The following SPNS2 variants were observed in gnomAD, a reference collection of about 807,000 sequenced individuals.
The protein encoded by SPNS2 is SPNS lysolipid transporter 2, sphingosine-1-phosphate.
Under a neutral mutation model 57.6 loss-of-function variants are expected in SPNS2, and 37 were observed. That is an observed-to-expected ratio of 0.64 (90% CI 0.49 to 0.85). The LOEUF (loss-of-function observed/expected upper bound fraction) is 0.85, where lower values mean the gene tolerates loss of function less well. SPNS2 is among the 40% of genes least tolerant of loss of function. The pLI is 0.00. For missense variants in SPNS2, 831 were observed against 779.1 expected, an observed-to-expected ratio of 1.07 and a Z score of -0.79; for synonymous variants, 440 against 346.9, an observed-to-expected ratio of 1.27 and a Z score of -2.98.
chr17:4,535,642 C>T (rs1036556623), intron 9 of SPNS2, among the ~76,000 whole-genome samples: 11 of 152,054 alleles, frequency 7.2e-5, no homozygotes, highest in South Asian at 2.1e-4. Context: ...TAGTGACTGG[C>T]GCCTGGGCAA....
At chr17:4,506,816 G>A (rs1904691894) in intron 1 of SPNS2, among the ~76,000 whole-genome samples, 2 of 152,192 alleles carry the variant, frequency 1.3e-5, no homozygotes, top group Non-Finnish European at 2.9e-5. Flanking sequence ...TTTGCAGGGT[G>A]GCTTGGGAGT....
Position 4,536,298 on chromosome 17 carries a change from C to T in SPNS2, c.1479C>T (p.Ser493=). ...SDLIRQSTKD[S]PLWEFLSLGY... ...TGATCCGCCAGAGCACTAAGGACTC[C>T]CCGCTCTGGGAGTTCCTGAGCCTGG... Residue 493 remains serine (S), a synonymous_variant, in exon 11 of 13, where the codon TCC becomes TCT. Transcript: ENST00000329078. 6.2e-7 allele frequency: 1 copy of T among 1,612,728 alleles called. No homozygotes were observed. The highest frequency in any genetic ancestry group is 8.5e-7 in the Non-Finnish European group (1 of 1,179,976).
At chr17:4,513,858 G>A (rs890482844) in intron 2 of SPNS2, among the ~76,000 whole-genome samples, 13 of 152,218 alleles carry the variant, frequency 8.5e-5, no homozygotes, top group East Asian at 1.9e-4. Context: ...TGGACTGGAC[G>A]TGGGCCTGAG....
chr17:4,500,239 C>T (rs908705650), intron 1 of SPNS2, among the ~76,000 whole-genome samples: 12 of 152,166 alleles, frequency 7.9e-5, no homozygotes, highest in Admixed American at 7.9e-4. Flanking sequence ...CAGCTTTGCT[C>T]CTAATGTGCT....
intron 9 of SPNS2, among the ~76,000 whole-genome samples, chr17:4,535,313 G>A (rs974112457): frequency 6.6e-6 from 1 of 152,330 alleles, no homozygotes; most frequent in East Asian, 1.9e-4. Flanking sequence ...GCGAGCGGAG[G>A]CTCTTGCAGG....
In SPNS2 at chr17:4,533,446, G is replaced by A; in HGVS notation, c.1278+14G>A. ...GTAGGAGCCTATGTGAGTGCAGCGG[G>A]GGTCAAGGGTGCTGGGGGAGCTGGG... On this transcript the variant is annotated intron_variant, in intron 8 of 12. Coordinates refer to ENST00000329078, the MANE Select transcript of SPNS2 (RefSeq NM_001124758.3). The A allele has an allele frequency of 6.3e-7, 1 of 1,579,674 alleles. No homozygotes were observed. The highest frequency in any genetic ancestry group is 8.6e-7 in the Non-Finnish European group (1 of 1,161,924).
rs1905394943 is a variant in SPNS2, at chr17:4,530,001, CG to C, written c.574-628del. 2.0e-5 allele frequency among the ~76,000 whole-genome samples: 3 copies of C among 152,132 alleles called. No homozygotes were observed. The South Asian group carries it at 6.2e-4, about 31-fold the overall frequency. ...ATGACCAGGCTGGGTTCTCAGGCCC[CG>C]GGCAGCTGGGGGACGGAGGGAGCAG... On this transcript the variant is annotated intron_variant, in intron 3 of 12. Transcript: ENST00000329078.
intron 3 of SPNS2, among the ~76,000 whole-genome samples, chr17:4,528,072 G>A (rs1330837925): frequency 6.6e-6 from 1 of 151,960 alleles, no homozygotes; most frequent in Admixed American, 6.6e-5. Context: ...GCCCAGGCTG[G>A]AGTGCAATGG....
rs772519476 is a variant in SPNS2 at position 4,537,544 on chromosome 17, C to G, written c.*96C>G. The G allele has an allele frequency of 4.9e-4, 223 of 456,786 alleles. 1 individual carries two copies. Among genetic ancestry groups the G allele is most frequent in the Admixed American group, 1.4e-3 (60 of 42,594 alleles). The allele number at this position is 456,786 out of a possible 1,614,324, so 28.3% of individuals were successfully genotyped here. On this transcript the variant is annotated 3_prime_UTR_variant, in exon 13 of 13. Coordinates refer to ENST00000329078, the MANE Select transcript of SPNS2 (RefSeq NM_001124758.3). ...ACCGGCTGGGCTGCCCCAAAGCTTTCTGTGTGATCCACGGCTAGGCACCCA... is the reference window on the plus strand; with the variant it reads ...ACCGGCTGGGCTGCCCCAAAGCTTTGTGTGTGATCCACGGCTAGGCACCCA...
rs1904847656 is a variant in SPNS2, at chr17:4,512,240, C to T, written c.371-1007C>T. 6.6e-6 allele frequency among the ~76,000 whole-genome samples: 1 copy of T among 152,204 alleles called. No homozygotes were observed. Among genetic ancestry groups the T allele is most frequent in the South Asian group, 2.1e-4 (1 of 4,828 alleles). On this transcript the variant is annotated intron_variant, in intron 1 of 12. Coordinates refer to ENST00000329078, the MANE Select transcript of SPNS2 (RefSeq NM_001124758.3). The surrounding 1 kb of genome is among the most constrained non-coding windows in gnomAD (Gnocchi z 5.2). ...CTCACTGCAGATGTGCTATGGTCAG[C>T]GGGGCTCTGGCCTGTGCCCTGGGTC...
At chr17:4,516,182 T>C (rs576688109) in intron 2 of SPNS2, among the ~76,000 whole-genome samples, 1 of 151,858 alleles carries the variant, frequency 6.6e-6, no homozygotes, top group South Asian at 2.1e-4. Flanking sequence ...GGTGTGGTGG[T>C]GGATGCCTGT....
intron 2 of SPNS2, among the ~76,000 whole-genome samples, chr17:4,518,335 T>C (rs1905048401): frequency 6.6e-6 from 1 of 152,026 alleles, no homozygotes. Flanking sequence ...CCATCCTGGC[T>C]AACATGGTGA....
chr17:4,510,550 G>A lies in SPNS2; in HGVS notation c.371-2697G>A, dbSNP rs1567588367. Reference sequence around the variant, plus strand: ...GGAAGCGAGAGTGCTTTGATTTGCCGTGGACACAGGATGTCATCATGATGG... The same window carrying A: ...GGAAGCGAGAGTGCTTTGATTTGCCATGGACACAGGATGTCATCATGATGG... On this transcript the variant is annotated intron_variant, in intron 1 of 12. Coordinates refer to ENST00000329078, the MANE Select transcript of SPNS2 (RefSeq NM_001124758.3). The surrounding 1 kb of genome is among the most constrained non-coding windows in gnomAD (Gnocchi z 4.4). Among the ~76,000 whole-genome samples the A allele has an allele frequency of 6.6e-6, 1 of 152,182 alleles. No individual in the cohort carries two copies. Among genetic ancestry groups the A allele is most frequent in the East Asian group, 1.9e-4 (1 of 5,194 alleles).
At chr17:4,517,259 C>A (rs746671473) in intron 2 of SPNS2, among the ~76,000 whole-genome samples, 1 of 152,224 alleles carries the variant, frequency 6.6e-6, no homozygotes, top group Non-Finnish European at 1.5e-5. Context: ...TTTCCAGGGA[C>A]CCTGGCAGAA....
Position 4,533,200 on chromosome 17 carries a change from T to A in SPNS2, c.1089-43T>A, listed in dbSNP as rs755618446. 10 of 1,580,942 alleles carry A rather than the reference T, an allele frequency of 6.3e-6. No individual in the cohort carries two copies. The Admixed American group carries it at 1.4e-4, about 22-fold the overall frequency. ...CAGGAGAGCCCCTCAGCCTTAGCCC[T>A]GAGCCGCCTCAACTCGTGCGCCACC... On this transcript the variant is annotated intron_variant, in intron 7 of 12. Coordinates refer to ENST00000329078, the MANE Select transcript of SPNS2 (RefSeq NM_001124758.3).
chr17:4,523,370 G>T (rs138089747), intron 2 of SPNS2, among the ~76,000 whole-genome samples: 51 of 152,248 alleles, frequency 3.3e-4, no homozygotes, highest in African/African-American at 1.2e-3. Flanking sequence ...CCTGGGAGGC[G>T]GAGGTTGCAG....
Position 4,502,585 on chromosome 17 carries a change from A to G in SPNS2, c.370+3168A>G, listed in dbSNP as rs143102249. On this transcript the variant is annotated intron_variant, in intron 1 of 12. Transcript: ENST00000329078. Reference sequence around the variant, plus strand: ...GCCAGAGTTCGAGCCAAGGCTCTTCAGCTTCCCAGCCGTGTGACCTTGAAG... The same window carrying G: ...GCCAGAGTTCGAGCCAAGGCTCTTCGGCTTCCCAGCCGTGTGACCTTGAAG... 2.0e-3 allele frequency among the ~76,000 whole-genome samples: 304 copies of G among 152,214 alleles called. 1 individual carries two copies. Among genetic ancestry groups the G allele is most frequent in the Non-Finnish European group, 2.9e-3 (195 of 68,008 alleles).
At position 4,536,152 on chromosome 17, in the gene SPNS2, G is replaced by C; in HGVS notation, c.1421G>C (p.Gly474Ala). The change falls in exon 10 of 13, where the codon GGG becomes GCG. Residue 474 changes from glycine (G) to alanine (A), a missense_variant. Gly to Ala is a moderately conservative substitution (Grantham distance 60). Around this residue, in one of 2 missense-constraint regions of SPNS2, gnomAD observed 526 missense variants for 400.9 expected, o/e 1.31. Transcript: ENST00000329078. ...ACCTCCCACCTGCTGGGGGACGCCG[G>C]GAGCCCCTACCTCATTGGCTTTGTG... ...SFTSHLLGDA[G>A]SPYLIGFISD... The C allele has an allele frequency of 1.2e-6, 2 of 1,612,484 alleles. No individual in the cohort carries two copies. Among genetic ancestry groups the C allele is most frequent in the South Asian group, 2.2e-5 (2 of 91,074 alleles).
chr17:4,536,079 G>C lies in SPNS2; in HGVS notation c.1348G>C (p.Val450Leu), dbSNP rs554445896. The change falls in exon 10 of 13, where the codon GTG (valine) becomes CTG (leucine). Residue 450 changes from valine to leucine, a missense_variant. Physicochemically the swap from Val to Leu is conservative, Grantham distance 32 (BLOSUM62 1). This residue lies in a region of SPNS2 where 526 missense variants were observed against 400.9 expected (regional missense o/e 1.31). Coordinates refer to ENST00000329078, the MANE Select transcript of SPNS2 (RefSeq NM_001124758.3). The part of the protein sequence containing the change: ...WAITADILMY[V>L]VIPTRRATAV... ...GACCTGCCCGCCTGTTCCGCAGTAC[G>C]TGGTCATCCCCACGCGGCGCGCCAC... is the stretch of plus-strand genomic sequence containing the variant. The C allele has an allele frequency of 6.2e-7, 1 of 1,611,092 alleles. No individual in the cohort carries two copies. The highest frequency in any genetic ancestry group is 2.2e-5 in the East Asian group (1 of 44,864).
Sources: gnomAD v4.1 joint callset for allele counts (sites outside exome capture counted in the v4.1 genomes callset) on GRCh38, gnomAD v4.1.1 for gene constraint, gnomAD v4.1.1 regional missense constraint, Gnocchi (gnomAD v3.1) non-coding constraint, MANE v1.5 for transcripts, NCBI Gene and HGNC (gene_info 2026-07-23, HGNC 2026-07-21) for gene names.